TACR3: variants seen among roughly 807,000 people sequenced by gnomAD.
TACR3 encodes the protein neuromedin-K receptor.
Under a neutral mutation model 35.0 loss-of-function variants are expected in TACR3, and 34 were observed. The observed-to-expected ratio is 0.97, with a 90% confidence interval of 0.74 to 1.30. The LOEUF (loss-of-function observed/expected upper bound fraction) is 1.30. Among genes scored for constraint, TACR3 ranks in the 50% most tolerant of loss-of-function variants. The pLI, the probability that TACR3 is intolerant of heterozygous loss-of-function variation, is 0.00. For missense variants in TACR3, 558 were observed against 591.7 expected (o/e 0.94, Z 0.59); for synonymous variants, 233 against 221.1 (o/e 1.05, Z -0.48).
intron 1 of TACR3, among the ~76,000 whole-genome samples, chr4:103,666,322 A>C (rs1725935334): frequency 6.6e-6 from 1 of 152,146 alleles, no homozygotes; most frequent in African/African-American, 2.4e-5. Context: ...TGGGAATGAG[A>C]GAAGGAAGTT....
intron 1 of TACR3, among the ~76,000 whole-genome samples, chr4:103,710,489 G>A (rs1490617332): frequency 1.4e-5 from 2 of 146,370 alleles, no homozygotes; most frequent in Non-Finnish European, 3.0e-5. Context: ...CACATATAAA[G>A]CTGTGTGTAG....
At chr4:103,629,872 CAAAAA>C (rs1157154870) in intron 3 of TACR3, among the ~76,000 whole-genome samples, 8,477 of 102,820 alleles carry the variant, frequency 0.082, 233 homozygotes, top group Non-Finnish European at 0.097. Context: ...AAAAAAAAAA[CAAAAA>C]AAACAACAAC....
intron 3 of TACR3, among the ~76,000 whole-genome samples, chr4:103,593,725 C>T (rs1053773806): frequency 1.3e-4 from 20 of 152,100 alleles, no homozygotes; most frequent in African/African-American, 4.8e-4. Context: ...TCCTTCAAGC[C>T]GTTGCACAAT....
chr4:103,669,742 A>AT (rs1316908402), intron 1 of TACR3, among the ~76,000 whole-genome samples: 69 of 151,696 alleles, frequency 4.5e-4, no homozygotes, highest in African/African-American at 1.5e-3. Flanking sequence ...CTGGTTCCTA[A>AT]TTTCTTCTCA....
rs566896115 is a variant in TACR3, at chr4:103,707,748, C to T, written c.548+11380G>A. 4.6e-5 allele frequency among the ~76,000 whole-genome samples: 7 copies of T among 152,226 alleles called. No individual in the cohort carries two copies. In the East Asian group the frequency reaches 1.4e-3, roughly 30 times the overall value. ...ACAAGGGGTCAGGGAAGTCCCTTTC[C>T]TAGTCAAGGGAAGCTGTGACAGACG... On this transcript the variant is annotated intron_variant, in intron 1 of 4. Coordinates refer to ENST00000304883, the MANE Select transcript of TACR3 (RefSeq NM_001059.3).
chr4:103,589,896 T>A lies in TACR3; in HGVS notation c.1184A>T (p.Asn395Ile). The A allele has an allele frequency of 1.2e-6, 2 of 1,613,948 alleles. No individual in the cohort carries two copies. Among genetic ancestry groups the A allele is most frequent in the Non-Finnish European group, 1.7e-6 (2 of 1,179,870 alleles). Residue 395 changes from asparagine to isoleucine, a missense_variant, in exon 5 of 5, where the codon AAC (asparagine) becomes ATC (isoleucine). Coordinates refer to ENST00000304883, the MANE Select transcript of TACR3 (RefSeq NM_001059.3). ...CACGGTGTACATACTGCTTTGCCGGTTTGGATGAAACCTGGTGGTCTTGAG... is the reference window on the plus strand; with the variant it reads ...CACGGTGTACATACTGCTTTGCCGGATTGGATGAAACCTGGTGGTCTTGAG... ...LELKTTRFHP[N>I]RQSSMYTVTR...
intron 3 of TACR3, among the ~76,000 whole-genome samples, chr4:103,655,271 G>T (rs1190703943): frequency 6.6e-6 from 1 of 152,090 alleles, no homozygotes; most frequent in East Asian, 1.9e-4. Flanking sequence ...GTGAGTTTTT[G>T]TAGCTAAGTG....
intron 1 of TACR3, among the ~76,000 whole-genome samples, chr4:103,686,991 T>A (rs1722261155): frequency 6.6e-6 from 1 of 151,942 alleles, no homozygotes; most frequent in East Asian, 1.9e-4. Context: ...GATGCAAAAA[T>A]CCTCAATAAA....
At position 103,633,317 on chromosome 4, in the gene TACR3, G is replaced by A. The variant is rs562588319; in HGVS notation, c.888+22877C>T. On this transcript the variant is annotated intron_variant, in intron 3 of 4. Coordinates refer to ENST00000304883, the MANE Select transcript of TACR3 (RefSeq NM_001059.3). ...GAAATATTGAGCATCTGAAAGAAAT[G>A]CATGTAGATTTTGTAATCCTAAGGG... Among the ~76,000 whole-genome samples the A allele has an allele frequency of 7.2e-4, 110 of 152,202 alleles. 1 individual carries two copies. Among genetic ancestry groups the A allele is most frequent in the African/African-American group, 2.6e-3 (108 of 41,550 alleles).
intron 3 of TACR3, among the ~76,000 whole-genome samples, chr4:103,636,525 T>C (rs2110315908): frequency 6.6e-6 from 1 of 152,036 alleles, no homozygotes; most frequent in East Asian, 1.9e-4. Flanking sequence ...AATACAATAA[T>C]ACAATTCAGT....
chr4:103,620,179 T>C (rs1724743919), intron 3 of TACR3, among the ~76,000 whole-genome samples: 1 of 152,082 alleles, frequency 6.6e-6, no homozygotes, highest in Non-Finnish European at 1.5e-5. Context: ...GAAATGCAAA[T>C]TAAAGCCACA....
intron 1 of TACR3, 36 bp downstream of exon 1, chr4:103,719,091 CT>C (rs1723151033): frequency 1.2e-6 from 2 of 1,613,256 alleles, no homozygotes; most frequent in Non-Finnish European, 1.7e-6. Flanking sequence ...TTTTCTTTCC[CT>C]TCTCCCTCTT....
chr4:103,684,160 C>G (rs960775231), intron 1 of TACR3, among the ~76,000 whole-genome samples: 1 of 151,908 alleles, frequency 6.6e-6, no homozygotes, highest in African/African-American at 2.4e-5. Context: ...TTGCTGTGAT[C>G]AAAACAATCA....
intron 3 of TACR3, among the ~76,000 whole-genome samples, chr4:103,617,771 T>C (rs897182361): frequency 6.6e-6 from 1 of 152,180 alleles, no homozygotes; most frequent in African/African-American, 2.4e-5. Context: ...AGCAAACTGA[T>C]TTATTTTGAA....
chr4:103,714,369 C>T (rs913576620), intron 1 of TACR3, among the ~76,000 whole-genome samples: 8 of 152,108 alleles, frequency 5.3e-5, no homozygotes, highest in South Asian at 2.1e-4. Context: ...TTTCACTATA[C>T]GCTCACAATT....
At chr4:103,688,075 G>C (rs946914605) in intron 1 of TACR3, among the ~76,000 whole-genome samples, 3 of 152,082 alleles carry the variant, frequency 2.0e-5, no homozygotes, top group African/African-American at 7.2e-5. Flanking sequence ...ACAGAACAGA[G>C]CCCTCAGAAA....
chr4:103,611,809 C>G (rs1292962573), intron 3 of TACR3, among the ~76,000 whole-genome samples: 1 of 152,126 alleles, frequency 6.6e-6, no homozygotes, highest in East Asian at 1.9e-4. Context: ...TATCTGACTG[C>G]CAGAGACAGA....
chr4:103,631,647 G>C (rs2110312202), intron 3 of TACR3, among the ~76,000 whole-genome samples: 1 of 152,276 alleles, frequency 6.6e-6, no homozygotes, highest in East Asian at 1.9e-4. Context: ...TGAGTACCGT[G>C]TTGGAAATTA....
chr4:103,637,926 A>G (rs929155013), intron 3 of TACR3, among the ~76,000 whole-genome samples: 2 of 152,030 alleles, frequency 1.3e-5, no homozygotes, highest in Non-Finnish European at 2.9e-5. Context: ...CCACTGCTCA[A>G]TGAAATAAAA....
Sources: gnomAD v4.1 joint callset for allele counts (sites outside exome capture counted in the v4.1 genomes callset) on GRCh38, gnomAD v4.1.1 for gene constraint, MANE v1.5 for transcripts, NCBI Gene and HGNC (gene_info 2026-07-23, HGNC 2026-07-21) for gene names.